RAMP1: variants seen among roughly 807,000 people sequenced by gnomAD.
RAMP1 encodes the protein receptor activity-modifying protein 1.
Under a neutral mutation model 8.2 loss-of-function variants are expected in RAMP1, and 7 were observed. That is an observed-to-expected ratio of 0.85 (90% confidence interval 0.49 to 1.60). The LOEUF (loss-of-function observed/expected upper bound fraction) is 1.60. RAMP1 is among the 40% of genes most tolerant of loss of function. The pLI is 0.00. For missense variants in RAMP1, 192 were observed against 202.4 expected (o/e 0.95, Z 0.31); for synonymous variants, 92 against 84.7 (o/e 1.09, Z -0.47).
chr2:237,888,464 T>C (rs543689337), intron 2 of RAMP1, among the ~76,000 whole-genome samples: 22 of 151,940 alleles, frequency 1.4e-4, no homozygotes, highest in Admixed American at 2.6e-4. Flanking sequence ...CTCGTGAGTA[T>C]TGAGTTTGTA....
intron 2 of RAMP1, among the ~76,000 whole-genome samples, chr2:237,911,164 C>T (rs2062708568): frequency 6.6e-6 from 1 of 152,256 alleles, no homozygotes; most frequent in Non-Finnish European, 1.5e-5. Context: ...AGACGCGACA[C>T]CAGCCTGCGA....
intron 2 of RAMP1, among the ~76,000 whole-genome samples, chr2:237,899,921 GA>G (rs1216402319): frequency 6.6e-6 from 1 of 150,378 alleles, no homozygotes; most frequent in Admixed American, 6.6e-5. Context: ...CAATTAAAAA[GA>G]AAAAAAAAGA....
chr2:237,861,494 T>G (rs2151000519), intron 1 of RAMP1, among the ~76,000 whole-genome samples: 1 of 152,310 alleles, frequency 6.6e-6, no homozygotes, highest in East Asian at 1.9e-4. Flanking sequence ...GTTTACAGGT[T>G]TAAGAACTTA....
intron 2 of RAMP1, among the ~76,000 whole-genome samples, chr2:237,886,926 G>C (rs932173051): frequency 1.2e-4 from 19 of 152,194 alleles, no homozygotes; most frequent in Non-Finnish European, 2.1e-4. Flanking sequence ...ATCCACCCCC[G>C]CCTCCCCTGT....
chr2:237,885,516 C>G (rs2062419103), intron 2 of RAMP1, among the ~76,000 whole-genome samples: 1 of 152,276 alleles, frequency 6.6e-6, no homozygotes, highest in African/African-American at 2.4e-5. Context: ...TGTGCTCTCC[C>G]TGGTGGCTGT....
Position 237,868,159 on chromosome 2 carries a change from TCA to T in RAMP1, c.52+8433_52+8434del, listed in dbSNP as rs1373655499. On this transcript the variant is annotated intron_variant, in intron 1 of 2. Coordinates refer to ENST00000254661, the MANE Select transcript of RAMP1 (RefSeq NM_005855.4). ...CCCAAGTTCAAGTGATTCTCCTGCC[TCA>T]GTCTCTCAGGTAGCTGGGATTACTG... Among the ~76,000 whole-genome samples, 4 of 151,876 alleles carry T rather than the reference TCA, an allele frequency of 2.6e-5. No individual in the cohort carries two copies. The East Asian group carries it at 7.8e-4, about 29-fold the overall frequency.
chr2:237,863,417 C>T (rs1005076051), intron 1 of RAMP1, among the ~76,000 whole-genome samples: 1 of 152,224 alleles, frequency 6.6e-6, no homozygotes, highest in African/African-American at 2.4e-5. Context: ...GTCCCCAGTC[C>T]TCTCTGCTCC....
chr2:237,903,839 C>A (rs1373332602), intron 2 of RAMP1, among the ~76,000 whole-genome samples: 1 of 152,198 alleles, frequency 6.6e-6, no homozygotes, highest in Non-Finnish European at 1.5e-5. Context: ...GGACTACAGG[C>A]ACCCGCCACC....
chr2:237,893,370 A>C (rs1212217546), intron 2 of RAMP1, among the ~76,000 whole-genome samples: 2 of 152,336 alleles, frequency 1.3e-5, no homozygotes, highest in East Asian at 3.9e-4. Context: ...TTAAGCCTGC[A>C]GAAGCTTTGG....
chr2:237,906,850 G>A (rs10754944), intron 2 of RAMP1, among the ~76,000 whole-genome samples: 76,533 of 150,892 alleles, frequency 0.51, 19,821 homozygotes, highest in East Asian at 0.69. Flanking sequence ...AGCCTCCCGA[G>A]TAGCTGGGAT....
chr2:237,892,317 G>A (rs2062495290), intron 2 of RAMP1, among the ~76,000 whole-genome samples: 2 of 143,944 alleles, frequency 1.4e-5, no homozygotes, highest in Non-Finnish European at 3.0e-5. Flanking sequence ...GGAGTGCAGT[G>A]GTGTGATCAT....
intron 2 of RAMP1, among the ~76,000 whole-genome samples, chr2:237,897,720 G>A (rs2062554779): frequency 6.7e-6 from 1 of 149,554 alleles, no homozygotes; most frequent in Non-Finnish European, 1.5e-5. Flanking sequence ...GGAAACCTCA[G>A]AAACACATGC....
intron 1 of RAMP1, among the ~76,000 whole-genome samples, chr2:237,875,384 G>A (rs534110807): frequency 4.7e-4 from 72 of 152,222 alleles, no homozygotes; most frequent in African/African-American, 1.5e-3. Context: ...AGGTGTCCCC[G>A]GGGTGCCCGG....
Position 237,877,488 on chromosome 2 carries a change from G to T in RAMP1, c.191+126G>T, listed in dbSNP as rs2062320533. ...AGACCCCGGAAGGGTTCTTCCCCCA[G>T]TGGGGGGGGCCGGGATGAAGACAGA... On this transcript the variant is annotated intron_variant, in intron 2 of 2. Coordinates refer to ENST00000254661, the MANE Select transcript of RAMP1 (RefSeq NM_005855.4). This position sits in a 1 kb window ranked among gnomAD's most constrained non-coding sequence, Gnocchi z 4.4. 6.8e-6 allele frequency: 9 copies of T among 1,320,008 alleles called. No individual in the cohort carries two copies. The highest frequency in any genetic ancestry group is 4.4e-5 in the South Asian group (3 of 67,790). 81.8% of individuals were successfully genotyped at this position (1,320,008 alleles called of 1,614,324 possible).
At chr2:237,897,298 G>C (rs2062551233) in intron 2 of RAMP1, among the ~76,000 whole-genome samples, 1 of 152,234 alleles carries the variant, frequency 6.6e-6, no homozygotes, top group Admixed American at 6.5e-5. Flanking sequence ...AGCGAGGGGA[G>C]GTGAGAATAA....
rs1196275143 is a variant in RAMP1, at chr2:237,878,749, G to GCTTTAAAA, written c.191+1387_191+1388insCTTTAAAA. The stretch of plus-strand genomic sequence containing the variant: ...TTGTTGAGGCGACTCTGTACCTTGG[G>GCTTTAAAA]AGCCCAAACTTTTTAAAAAGTAGGA... On this transcript the variant is annotated intron_variant, in intron 2 of 2. Coordinates refer to ENST00000254661, the MANE Select transcript of RAMP1 (RefSeq NM_005855.4). The surrounding 1 kb of genome is among the most constrained non-coding windows in gnomAD (Gnocchi z 5.7). Among the ~76,000 whole-genome samples, 27 of 152,374 alleles carry GCTTTAAAA rather than the reference G, an allele frequency of 1.8e-4. No individual in the cohort carries two copies. The highest frequency in any genetic ancestry group is 6.3e-4 in the African/African-American group (26 of 41,590).
upstream of RAMP1, among the ~76,000 whole-genome samples, chr2:237,859,346 T>C (rs1403747245): frequency 7.2e-5 from 11 of 152,036 alleles, no homozygotes; most frequent in Non-Finnish European, 1.5e-4. Flanking sequence ...TCACGCTGAG[T>C]CGTCTAGGAG....
chr2:237,874,172 C>G (rs2062275559), intron 1 of RAMP1, among the ~76,000 whole-genome samples: 1 of 152,238 alleles, frequency 6.6e-6, no homozygotes, highest in Non-Finnish European at 1.5e-5. Context: ...GAAGCTAGAA[C>G]TGGCTGGGCT....
chr2:237,872,150 C>T (rs888408913), intron 1 of RAMP1, among the ~76,000 whole-genome samples: 21 of 152,150 alleles, frequency 1.4e-4, no homozygotes, highest in Non-Finnish European at 4.4e-5. Flanking sequence ...GAGTATGGAT[C>T]GAGCCTGCGC....
Sources: gnomAD v4.1 joint callset for allele counts (sites outside exome capture counted in the v4.1 genomes callset) on GRCh38, gnomAD v4.1.1 for gene constraint, Gnocchi (gnomAD v3.1) non-coding constraint, MANE v1.5 for transcripts, NCBI Gene and HGNC (gene_info 2026-07-23, HGNC 2026-07-21) for gene names.